Variants in KRT2 observed in about 807,000 individuals in gnomAD.
KRT2 encodes the protein keratin 2.
KRT2 carries 37 observed loss-of-function variants against 48.5 expected under a neutral mutation model. That is an observed-to-expected ratio of 0.76 (90% CI 0.59 to 1.00). KRT2 has a LOEUF of 1.00. Ranked by LOEUF, KRT2 falls within the 50% of genes least tolerant of loss-of-function variation. The pLI is 0.00. For missense variants in KRT2, 880 were observed against 815.2 expected (o/e 1.08, Z -0.97); for synonymous variants, 324 against 312.2 (o/e 1.04, Z -0.40).
rs1473757157 is a variant in KRT2, at chr12:52,648,259, C to A, written c.1036G>T (p.Asp346Tyr). ...SMDNSRNLDL[D>Y]SIIAEVKAQY... is the part of the protein sequence containing the mutation. ...GCCTTGACCTCGGCGATGATGCTATCCAAGTCCAGGTTGCGGCTGTTGTCC... is the reference window on the plus strand; with the variant it reads ...GCCTTGACCTCGGCGATGATGCTATACAAGTCCAGGTTGCGGCTGTTGTCC... The change falls in exon 5 of 9, where the codon GAT (aspartate) becomes TAT (tyrosine). Residue 346 changes from aspartate (D) to tyrosine (Y), a missense_variant. Transcript: ENST00000309680. 2 of 1,614,132 alleles carry A rather than the reference C, an allele frequency of 1.2e-6. No individual in the cohort carries two copies. The highest frequency in any genetic ancestry group is 1.7e-6 in the Non-Finnish European group (2 of 1,180,014).
At chr12:52,650,204 A>G in intron 2 of KRT2, 135 bp downstream of exon 2, 1 of 861,578 alleles carries the variant, frequency 1.2e-6, no homozygotes, top group Non-Finnish European at 2.0e-6. Flanking sequence ...TTCCTCACAA[A>G]TAATCAACAA....
In KRT2 at chr12:52,644,933, G is replaced by T; in HGVS notation, c.*86C>A. The T allele has an allele frequency of 6.9e-7, 1 of 1,451,454 alleles. No individual in the cohort carries two copies. The highest frequency in any genetic ancestry group is 9.6e-7 in the Non-Finnish European group (1 of 1,045,130). The allele number at this position is 1,451,454 out of a possible 1,614,324, so 89.9% of individuals were successfully genotyped here. On this transcript the variant is annotated 3_prime_UTR_variant, in exon 9 of 9. Coordinates refer to ENST00000309680, the MANE Select transcript of KRT2 (RefSeq NM_000423.3). ...ATAAATGACAAAAATTTAACTTGCT[G>T]CCAGTTAGAGGTACAGAGACAGGCT...
chr12:52,648,097 T>C, intron 5 of KRT2, 76 bp downstream of exon 5: 1 of 1,507,738 alleles, frequency 6.6e-7, no homozygotes, highest in Non-Finnish European at 9.2e-7. Context: ...ATAACCTTAC[T>C]GTACACTTTC....
chr12:52,651,830 C>T lies in KRT2; in HGVS notation c.313G>A (p.Gly105Ser), dbSNP rs780972647. 1.9e-6 allele frequency: 3 copies of T among 1,603,286 alleles called. No homozygotes were observed. The highest frequency in any genetic ancestry group is 1.3e-5 in the African/African-American group (1 of 74,550). Residue 105 changes from glycine to serine, a missense_variant, in exon 1 of 9, where the codon GGC (glycine) becomes AGC (serine). Transcript: ENST00000309680. ...AAACCACCACCACTGAAGCCGCTGC[C>T]ACCTCCAAAGCTGCTGCCGCCTCCA... The part of the protein sequence containing the change: ...GFGGGSSFGG[G>S]SGFSGGGFGG...
chr12:52,650,253 AC>A (rs1941228338), intron 2 of KRT2, 85 bp downstream of exon 2: 7 of 1,160,272 alleles, frequency 6.0e-6, no homozygotes, highest in Non-Finnish European at 5.2e-6. Context: ...CACAAATGCA[AC>A]TGGGAGATGA....
intron 4 of KRT2, 120 bp from the exon 5 acceptor site, chr12:52,648,457 A>G (rs940851664): frequency 1.2e-6 from 1 of 862,300 alleles, no homozygotes; most frequent in Non-Finnish European, 2.0e-6. Flanking sequence ...ACTAGGTGGG[A>G]TGAAAATCAT....
At chr12:52,650,270 T>A in intron 2 of KRT2, 69 bp downstream of exon 2, 1 of 1,358,498 alleles carries the variant, frequency 7.4e-7, no homozygotes. Context: ...GATGAATGGC[T>A]TTCCAGGGAG....
intron 7 of KRT2, among the ~76,000 whole-genome samples, chr12:52,646,528 C>G (rs1941163718): frequency 6.6e-6 from 1 of 152,200 alleles, no homozygotes; most frequent in African/African-American, 2.4e-5. Flanking sequence ...ATTTAATGTG[C>G]CTTATGCATC....
chr12:52,651,552 AGTCACCTT>A lies in KRT2; in HGVS notation c.583_585+5del. Reference sequence around the variant, plus strand: ...CATCAGTGGGAGCCGTCTTCTCCAGAGTCACCTTGTCAATGAAGGAGGCAAATTTGTTG... The same window carrying A: ...CATCAGTGGGAGCCGTCTTCTCCAGAGTCAATGAAGGAGGCAAATTTGTTG... On this transcript the variant is annotated splice_donor_variant and splice_donor_5th_base_variant and coding_sequence_variant and intron_variant, in exon 1 of 9. Coordinates refer to ENST00000309680, the MANE Select transcript of KRT2 (RefSeq NM_000423.3). LOFTEE classifies it high-confidence loss of function. The A allele has an allele frequency of 9.4e-6, 15 of 1,604,022 alleles. No individual in the cohort carries two copies. Among genetic ancestry groups the A allele is most frequent in the Non-Finnish European group, 1.3e-5 (15 of 1,170,798 alleles).
intron 6 of KRT2, 63 bp downstream of exon 6, chr12:52,647,667 C>T (rs1941187400): frequency 6.3e-7 from 1 of 1,596,184 alleles, no homozygotes; most frequent in Admixed American, 1.7e-5. Context: ...TCACACACAA[C>T]CACACTCTCA....
chr12:52,651,831 ACCTCCAAAGCTGCTGCCG>A lies in KRT2; in HGVS notation c.294_311del (p.Ser101_Ser106del), dbSNP rs1259850489. 2 of 1,116,472 alleles carry A rather than the reference ACCTCCAAAGCTGCTGCCG, an allele frequency of 1.8e-6. No homozygotes were observed. The highest frequency in any genetic ancestry group is 2.9e-5 in the African/African-American group (2 of 68,670). The allele number at this position is 1,116,472 out of a possible 1,614,324, so 69.2% of individuals were successfully genotyped here. ...AACCACCACCACTGAAGCCGCTGCCACCTCCAAAGCTGCTGCCGCCTCCAAAACCACCTCCTCTGCCAC... is the reference window on the plus strand; with the variant it reads ...AACCACCACCACTGAAGCCGCTGCCACCTCCAAAACCACCTCCTCTGCCAC... On this transcript the variant is annotated inframe_deletion, in exon 1 of 9. Transcript: ENST00000309680.
In KRT2 at chr12:52,650,474, G is replaced by A; in HGVS notation, c.665C>T (p.Pro222Leu). ...LLQQMNVGTR[P>L]INLEPIFQGY... ...CTGGAAGATGGGCTCCAGGTTGATG[G>A]GGCGGGTGCCAACATTCATTTGTTG... Residue 222 changes from proline to leucine, a missense_variant, in exon 2 of 9, where the codon CCC (proline) becomes CTC (leucine). Coordinates refer to ENST00000309680, the MANE Select transcript of KRT2 (RefSeq NM_000423.3). 1 of 1,613,968 alleles carries A rather than the reference G, an allele frequency of 6.2e-7. No individual in the cohort carries two copies. The highest frequency in any genetic ancestry group is 8.5e-7 in the Non-Finnish European group (1 of 1,180,022).
chr12:52,651,854 C>T lies in KRT2; in HGVS notation c.289G>A (p.Gly97Arg), dbSNP rs776998809. The T allele has an allele frequency of 6.2e-7, 1 of 1,605,340 alleles. No individual in the cohort carries two copies. Among genetic ancestry groups the T allele is most frequent in the South Asian group, 1.1e-5 (1 of 90,494 alleles). Residue 97 changes from glycine to arginine, a missense_variant, in exon 1 of 9, where the codon GGA becomes AGA. By Grantham distance (125) the Gly-to-Arg change is moderately radical. Transcript: ENST00000309680. Reference sequence around the variant, plus strand: ...CCACCTCCAAAGCTGCTGCCGCCTCCAAAACCACCTCCTCTGCCACCAAAT... The same window carrying T: ...CCACCTCCAAAGCTGCTGCCGCCTCTAAAACCACCTCCTCTGCCACCAAAT... ...GGFGGRGGGF[G>R]GGSSFGGGSG...
intron 1 of KRT2, 142 bp from the exon 2 acceptor site, chr12:52,650,695 C>T (rs2120953420): frequency 2.7e-6 from 2 of 729,606 alleles, no homozygotes; most frequent in South Asian, 2.9e-5. Flanking sequence ...ACTGGCAGAG[C>T]TTCTGAGCTC....
At chr12:52,645,737 C>A (rs1174568322) in intron 7 of KRT2, among the ~76,000 whole-genome samples, 168 bp from the exon 8 acceptor site, 1 of 152,206 alleles carries the variant, frequency 6.6e-6, no homozygotes, top group Admixed American at 6.5e-5. Flanking sequence ...TGACGACAGA[C>A]CCCCTTCCAT....
At chr12:52,649,354 C>A (rs1448860168) in intron 3 of KRT2, among the ~76,000 whole-genome samples, 1 of 152,196 alleles carries the variant, frequency 6.6e-6, no homozygotes, top group Non-Finnish European at 1.5e-5. Context: ...CTTTGCCAAC[C>A]AGCCCCTCTC....
intron 7 of KRT2, among the ~76,000 whole-genome samples, chr12:52,646,140 G>C (rs1941158827): frequency 6.6e-6 from 1 of 152,224 alleles, no homozygotes; most frequent in South Asian, 2.1e-4. Context: ...CTTGCTGATG[G>C]CCTGGGGTAG....
At position 52,651,842 on chromosome 12, in the gene KRT2, T is replaced by TGCTGCCGCCTCCAAAACC. The variant is rs1941256265; in HGVS notation, c.283_300dup (p.Gly95_Ser100dup). 6.3e-7 allele frequency: 1 copy of TGCTGCCGCCTCCAAAACC among 1,594,796 alleles called. No individual in the cohort carries two copies. ...CTGAAGCCGCTGCCACCTCCAAAGCTGCTGCCGCCTCCAAAACCACCTCCT... is the reference window on the plus strand; with the variant it reads ...CTGAAGCCGCTGCCACCTCCAAAGCTGCTGCCGCCTCCAAAACCGCTGCCGCCTCCAAAACCACCTCCT... On this transcript the variant is annotated inframe_insertion, in exon 1 of 9. Transcript: ENST00000309680.
intron 4 of KRT2, among the ~76,000 whole-genome samples, chr12:52,648,541 C>T (rs755731983): frequency 5.9e-5 from 9 of 152,196 alleles, no homozygotes; most frequent in Non-Finnish European, 8.8e-5. Flanking sequence ...ATTTCTGAGC[C>T]TCCTAGTTAA....
Sources: gnomAD v4.1 joint callset for allele counts (sites outside exome capture counted in the v4.1 genomes callset) on GRCh38, gnomAD v4.1.1 for gene constraint, MANE v1.5 for transcripts, NCBI Gene and HGNC (gene_info 2026-07-23, HGNC 2026-07-21) for gene names.